Variants in PLXND1 observed in about 807,000 individuals in gnomAD.
The protein encoded by PLXND1 is plexin D1, also known as plexin-D1.
PLXND1 carries 54 observed loss-of-function variants against 197.7 expected under a neutral mutation model. The ratio of observed to expected loss-of-function variants is 0.27; its 90% CI spans 0.22 to 0.34. The LOEUF (loss-of-function observed/expected upper bound fraction) is 0.34. Ranked by LOEUF, PLXND1 falls within the 10% of genes least tolerant of loss-of-function variation. PLXND1 has a pLI of 1.00. For synonymous variants in PLXND1, 1,180 were observed against 1,161.2 expected (o/e 1.02, Z -0.33); for missense variants, 2,127 against 2,699.2 (o/e 0.79, Z 4.70).
Position 129,584,130 on chromosome 3 carries a change from G to C in PLXND1, c.2133C>G (p.His711Gln). 6.4e-7 allele frequency: 1 copy of C among 1,557,730 alleles called. No individual in the cohort carries two copies. The highest frequency in any genetic ancestry group is 1.9e-5 in the Admixed American group (1 of 51,684). ...DCSRTAQVYP[H>Q]TACTSCLSAQ... is the part of the protein sequence containing the mutation. ...AAGCCACCCAAGCCACTCACGCTGT[G>C]TGGGGGTACACTTGTGCAGTGCGGC... The change falls in exon 7 of 36, where the codon CAC becomes CAG. Residue 711 changes from histidine to glutamine, a missense_variant. Coordinates refer to ENST00000324093, the MANE Select transcript of PLXND1 (RefSeq NM_015103.3).
chr3:129,580,221 G>T (rs1286434191), intron 8 of PLXND1, among the ~76,000 whole-genome samples: 2 of 146,808 alleles, frequency 1.4e-5, no homozygotes, highest in Non-Finnish European at 3.0e-5. Context: ...ACAGGGTCTG[G>T]TGCAGACCTC....
In PLXND1 at chr3:129,558,613, G is replaced by A. The variant is rs759588355; in HGVS notation, c.5298-38C>T. On this transcript the variant is annotated intron_variant, in intron 32 of 35. Transcript: ENST00000324093. This position sits in a 1 kb window ranked among gnomAD's most constrained non-coding sequence, Gnocchi z 4.1. ...GTGACAAAGACAGTGAGGGTAGGGT[G>A]GGGTAGGAAGCAGTCGAGGGACAGT... 3.1e-6 allele frequency: 5 copies of A among 1,602,358 alleles called. No homozygotes were observed. The highest frequency in any genetic ancestry group is 2.7e-5 in the African/African-American group (2 of 74,750).
rs1397979396 is a variant in PLXND1, at chr3:129,558,398, G to C, written c.5445+30C>G. 4 of 1,603,514 alleles carry C rather than the reference G, an allele frequency of 2.5e-6. No individual in the cohort carries two copies. In the African/African-American group the frequency reaches 4.0e-5, roughly 16 times the overall value. ...GGCACCCCACTCTGGCCCTGTGCAT[G>C]GGCCTGGCCTGGTCCTGGGAACAGC... On this transcript the variant is annotated intron_variant, in intron 33 of 35. Coordinates refer to ENST00000324093, the MANE Select transcript of PLXND1 (RefSeq NM_015103.3). This position sits in a 1 kb window ranked among gnomAD's most constrained non-coding sequence, Gnocchi z 4.1.
chr3:129,590,196 T>C (rs1420295351), intron 1 of PLXND1, among the ~76,000 whole-genome samples: 1 of 152,058 alleles, frequency 6.6e-6, no homozygotes. Flanking sequence ...AGGCTGGGTG[T>C]GTCTGAATGC....
At chr3:129,565,157 C>T (rs1455965619) in intron 25 of PLXND1, among the ~76,000 whole-genome samples, 183 bp downstream of exon 25, 4 of 152,244 alleles carry the variant, frequency 2.6e-5, no homozygotes, top group African/African-American at 4.8e-5. Flanking sequence ...CAGGCTTCCC[C>T]GGGGCCATGG....
At chr3:129,567,993 G>A (rs2085167906) in intron 20 of PLXND1, among the ~76,000 whole-genome samples, 188 bp from the exon 21 acceptor site, 1 of 152,006 alleles carries the variant, frequency 6.6e-6, no homozygotes, top group Non-Finnish European at 1.5e-5. Context: ...CGTGGACAGA[G>A]GGCTTGGGGA....
At chr3:129,589,073 C>T (rs2085499581) in intron 2 of PLXND1, among the ~76,000 whole-genome samples, 1 of 152,202 alleles carries the variant, frequency 6.6e-6, no homozygotes, top group African/African-American at 2.4e-5. Context: ...AACTCAGAGC[C>T]ATACAGTTTC....
At chr3:129,605,265 GCCCGCC>G (rs562798658) in intron 1 of PLXND1, 58 bp downstream of exon 1, 4,564 of 285,146 alleles carry the variant, frequency 0.016, 183 homozygotes, top group African/African-American at 0.11. Flanking sequence ...CTCGGTTCCC[GCCCGCC>G]CCCGCCCCCG....
Position 129,556,413 on chromosome 3 carries a change from C to G in PLXND1, c.5677G>C (p.Glu1893Gln). Reference sequence around the variant, plus strand: ...GTCCTCCGGGCCGTGGGGTTGGCCTCCAGCGCGGCCATGATCTGAGGGGAG... The same window carrying G: ...GTCCTCCGGGCCGTGGGGTTGGCCTGCAGCGCGGCCATGATCTGAGGGGAG... ...RYRPQIMAAL[E>Q]ANPTARRTQL... Residue 1893 changes from glutamate (E) to glutamine (Q), a missense_variant, in exon 36 of 36, where the codon GAG becomes CAG. This residue lies in a region of PLXND1 where 200 missense variants were observed against 303.3 expected (regional missense o/e 0.66). Coordinates refer to ENST00000324093, the MANE Select transcript of PLXND1 (RefSeq NM_015103.3). 1 of 1,614,014 alleles carries G rather than the reference C, an allele frequency of 6.2e-7. No homozygotes were observed. Among genetic ancestry groups the G allele is most frequent in the Non-Finnish European group, 8.5e-7 (1 of 1,179,854 alleles).
At chr3:129,590,699 T>C (rs1331171033) in intron 1 of PLXND1, among the ~76,000 whole-genome samples, 2 of 152,222 alleles carry the variant, frequency 1.3e-5, no homozygotes, top group South Asian at 2.1e-4. Flanking sequence ...GAACTGACAC[T>C]GTACCAGGCC....
chr3:129,579,396 G>A (rs1476442862), intron 8 of PLXND1, among the ~76,000 whole-genome samples: 1 of 152,090 alleles, frequency 6.6e-6, no homozygotes, highest in Admixed American at 6.5e-5. Context: ...CAGGCTCCTG[G>A]GATCCATGCT....
In PLXND1 at chr3:129,567,522, C is replaced by G. The variant is rs913845272; in HGVS notation, c.4056G>C (p.Lys1352Asn). The G allele has an allele frequency of 1.2e-5, 20 of 1,608,800 alleles. No individual in the cohort carries two copies. The highest frequency in any genetic ancestry group is 1.6e-5 in the Non-Finnish European group (19 of 1,176,744). The change falls in exon 22 of 36, where the codon AAG becomes AAC. Residue 1352 changes from lysine (K) to asparagine (N), a missense_variant. By Grantham distance (94) the Lys-to-Asn change is moderately conservative. This residue lies in a region of PLXND1 where 532 missense variants were observed against 811.0 expected (regional missense o/e 0.66). Transcript: ENST00000324093. ...GGAAGAAGGTGCGGGTCACGAAGTG[C>G]TTATACTCCAGGAAGGGGATGCCCT... Reference protein sequence around the residue: ...RSQGIPFLEYKHFVTRTFFPK... With the variant: ...RSQGIPFLEYNHFVTRTFFPK...
At chr3:129,589,815 A>G (rs1255217200) in intron 1 of PLXND1, among the ~76,000 whole-genome samples, 1 of 152,130 alleles carries the variant, frequency 6.6e-6, no homozygotes, top group African/African-American at 2.4e-5. Flanking sequence ...TAAAGAGTCC[A>G]GGGAGGCCGG....
At chr3:129,604,362 A>C (rs1411794126) in intron 1 of PLXND1, among the ~76,000 whole-genome samples, 6 of 152,254 alleles carry the variant, frequency 3.9e-5, no homozygotes, top group Non-Finnish European at 8.8e-5. Flanking sequence ...CATTAAAAAC[A>C]CAGATGCTGA....
rs575089622 is a variant in PLXND1 at position 129,561,411 on chromosome 3, G to A, written c.4993+235C>T. On this transcript the variant is annotated intron_variant, in intron 29 of 35. Transcript: ENST00000324093. ...CCCAGACCTCCTGGAACTGCATCCC[G>A]CCCTCCCGGGGCCTCTCTCCAGCTG... is the stretch of plus-strand genomic sequence containing the variant. 3.3e-5 allele frequency among the ~76,000 whole-genome samples: 5 copies of A among 152,282 alleles called. No individual in the cohort carries two copies. The South Asian group carries it at 1.0e-3, about 32-fold the overall frequency.
intron 1 of PLXND1, among the ~76,000 whole-genome samples, chr3:129,592,288 G>T (rs1385334076): frequency 5.9e-5 from 9 of 152,232 alleles, no homozygotes; most frequent in Admixed American, 5.9e-4. Flanking sequence ...GGGAAGAGGT[G>T]AGGTGGGATC....
intron 20 of PLXND1, chr3:129,569,540 T>C: frequency 2.8e-6 from 1 of 352,922 alleles, no homozygotes; most frequent in South Asian, 3.9e-5. Flanking sequence ...AATCCTCTCT[T>C]AAGTACCTTC....
intron 9 of PLXND1, among the ~76,000 whole-genome samples, chr3:129,576,552 C>T (rs1578330881): frequency 6.6e-6 from 1 of 152,208 alleles, no homozygotes; most frequent in East Asian, 1.9e-4. Context: ...GCTTACCTGT[C>T]CCCTCGCCAA....
rs145949325 is a variant in PLXND1, at chr3:129,567,797, C to A, written c.3874G>T (p.Val1292Phe). 1.9e-6 allele frequency: 3 copies of A among 1,606,018 alleles called. No individual in the cohort carries two copies. Among genetic ancestry groups the A allele is most frequent in the Non-Finnish European group, 2.6e-6 (3 of 1,173,222 alleles). ...GCACGTCGGCTCTTGGTACAGAAGA[C>A]GAACAGGGCTGCGGGCAGTGGAGAG... ...LLLLSVVALF[V>F]FCTKSRRAER... The change falls in exon 21 of 36, where the codon GTC becomes TTC. Residue 1292 changes from valine to phenylalanine, a missense_variant. Transcript: ENST00000324093.
Sources: allele counts gnomAD v4.1 joint callset (sites outside exome capture counted in the v4.1 genomes callset), GRCh38; gene constraint gnomAD v4.1.1; regional missense constraint gnomAD v4.1.1; non-coding constraint Gnocchi (gnomAD v3.1); transcripts MANE v1.5; gene names NCBI Gene and HGNC (gene_info 2026-07-23, HGNC 2026-07-21).